The following FHIT variants were observed in gnomAD, a reference collection of about 807,000 sequenced individuals.
FHIT encodes the protein bis(5'-adenosyl)-triphosphatase.
FHIT carries 19 observed loss-of-function variants against 17.9 expected under a neutral mutation model. The observed-to-expected ratio is 1.06, with a 90% CI of 0.74 to 1.56. The LOEUF is 1.56. Ranked by LOEUF, FHIT falls within the 40% of genes most tolerant of loss-of-function variation. The pLI, the probability that FHIT is intolerant of heterozygous loss-of-function variation, is 0.00. For synonymous variants in FHIT, 81 were observed against 69.7 expected, an observed-to-expected ratio of 1.16 and a Z score of -0.81; for missense variants, 248 against 189.2, an observed-to-expected ratio of 1.31 and a Z score of -1.82.
chr3:60,974,211 T>C (rs934834178), intron 3 of FHIT, among the ~76,000 whole-genome samples: 3 of 152,226 alleles, frequency 2.0e-5, no homozygotes, highest in Admixed American at 1.3e-4. Context: ...TTTTTCCTCA[T>C]ACAAAATTTA....
intron 7 of FHIT, among the ~76,000 whole-genome samples, chr3:59,969,950 C>T (rs1216974525): frequency 1.3e-5 from 2 of 152,026 alleles, no homozygotes; most frequent in Non-Finnish European, 2.9e-5. Context: ...TTCCAAAGAA[C>T]GTCATGTCAA....
intron 4 of FHIT, among the ~76,000 whole-genome samples, chr3:60,575,757 AT>A (rs1238721927): frequency 6.6e-6 from 1 of 152,090 alleles, no homozygotes; most frequent in African/African-American, 2.4e-5. Context: ...AGAAAATAGA[AT>A]TTTATGCCTT....
At chr3:60,861,513 G>T (rs1553752626) in intron 3 of FHIT, among the ~76,000 whole-genome samples, 2 of 151,482 alleles carry the variant, frequency 1.3e-5, no homozygotes, top group Non-Finnish European at 2.9e-5. Context: ...TCCTGACATT[G>T]CCAAATGTCA....
chr3:60,202,731 A>G (rs541232389), intron 5 of FHIT, among the ~76,000 whole-genome samples: 1 of 152,282 alleles, frequency 6.6e-6, no homozygotes, highest in South Asian at 2.1e-4. Context: ...TCTGTTTCCC[A>G]TCATAAGGCC....
intron 3 of FHIT, among the ~76,000 whole-genome samples, chr3:60,850,876 T>C (rs1703127269): frequency 6.6e-6 from 1 of 152,160 alleles, no homozygotes; most frequent in African/African-American, 2.4e-5. Context: ...TTGGTATTTT[T>C]CAGTAAACCC....
intron 5 of FHIT, among the ~76,000 whole-genome samples, chr3:60,306,508 C>T (rs11929596): frequency 7.0e-4 from 106 of 152,214 alleles, no homozygotes; most frequent in African/African-American, 2.1e-3. Context: ...CATTCTGACA[C>T]GAATTACTAA....
Position 59,971,461 on chromosome 3 carries a change from G to C in FHIT, c.279+39910C>G, listed in dbSNP as rs143117597. Among the ~76,000 whole-genome samples, 74 of 152,000 alleles carry C rather than the reference G, an allele frequency of 4.9e-4. 1 individual carries two copies. The East Asian group carries it at 0.013, about 28-fold the overall frequency. On this transcript the variant is annotated intron_variant, in intron 7 of 9. Coordinates refer to ENST00000492590, the MANE Select transcript of FHIT (RefSeq NM_002012.4). ...GAGGTGATTTCAGTAAGACACAGCTGATAGATAGAACCTAAGGTTTCATGG... is the reference window on the plus strand; with the variant it reads ...GAGGTGATTTCAGTAAGACACAGCTCATAGATAGAACCTAAGGTTTCATGG...
Position 60,279,012 on chromosome 3 carries a change from A to G in FHIT, c.103+257848T>C, listed in dbSNP as rs150136308. Among the ~76,000 whole-genome samples, 203 of 152,280 alleles carry G rather than the reference A, an allele frequency of 1.3e-3. 2 individuals are homozygous for G. Among genetic ancestry groups the G allele is most frequent in the Middle Eastern group, 6.8e-3 (2 of 294 alleles). On this transcript the variant is annotated intron_variant, in intron 5 of 9. Transcript: ENST00000492590. ...AAAACAATTTAAACCTAAAGCAATC[A>G]GAAGAAAAACAGAATAGAAATTAGA...
intron 5 of FHIT, among the ~76,000 whole-genome samples, chr3:60,301,216 T>C (rs1316252398): frequency 1.3e-5 from 2 of 152,116 alleles, no homozygotes; most frequent in Non-Finnish European, 2.9e-5. Flanking sequence ...TATTTCATAA[T>C]AGGAAAATAA....
At chr3:60,597,610 G>C (rs1440240275) in intron 4 of FHIT, among the ~76,000 whole-genome samples, 1 of 152,106 alleles carries the variant, frequency 6.6e-6, no homozygotes, top group African/African-American at 2.4e-5. Context: ...TGACAGTGAA[G>C]TCTAAGTCTC....
At chr3:60,510,495 C>T (rs755149376) in intron 5 of FHIT, among the ~76,000 whole-genome samples, 2 of 152,082 alleles carry the variant, frequency 1.3e-5, no homozygotes, top group Non-Finnish European at 2.9e-5. Flanking sequence ...ACCTATTTGG[C>T]CTTTTATCTC....
intron 5 of FHIT, among the ~76,000 whole-genome samples, chr3:60,301,439 T>C (rs1461547220): frequency 6.6e-6 from 1 of 152,152 alleles, no homozygotes; most frequent in Non-Finnish European, 1.5e-5. Flanking sequence ...AACTTCTTTA[T>C]CACAAACTCA....
At chr3:60,108,595 G>A (rs999585592) in intron 5 of FHIT, among the ~76,000 whole-genome samples, 6 of 151,980 alleles carry the variant, frequency 3.9e-5, no homozygotes, top group Non-Finnish European at 7.4e-5. Flanking sequence ...CTCCTAGCTC[G>A]ACAGATCATG....
At chr3:59,829,567 C>A (rs1010733471) in intron 8 of FHIT, among the ~76,000 whole-genome samples, 1 of 152,312 alleles carries the variant, frequency 6.6e-6, no homozygotes, top group African/African-American at 2.4e-5. Context: ...TGCAGAGGAA[C>A]TGGATTCGGT....
intron 2 of FHIT, among the ~76,000 whole-genome samples, chr3:61,178,997 T>G (rs979981880): frequency 7.0e-6 from 1 of 142,022 alleles, no homozygotes; most frequent in African/African-American, 2.7e-5. Flanking sequence ...ACATTATTTC[T>G]TTTTCTTTTT....
chr3:59,874,340 T>A (rs917068204), intron 8 of FHIT, among the ~76,000 whole-genome samples: 1 of 152,198 alleles, frequency 6.6e-6, no homozygotes, highest in Non-Finnish European at 1.5e-5. Flanking sequence ...TTCAAAAAAG[T>A]TAAAAATTGA....
chr3:61,045,409 T>C (rs1559936796), intron 2 of FHIT, among the ~76,000 whole-genome samples: 1 of 152,056 alleles, frequency 6.6e-6, no homozygotes, highest in Non-Finnish European at 1.5e-5. Flanking sequence ...TACATAATGG[T>C]AAAGGGATCA....
intron 2 of FHIT, among the ~76,000 whole-genome samples, chr3:61,110,664 T>A (rs1365808437): frequency 6.6e-6 from 1 of 152,126 alleles, no homozygotes; most frequent in African/African-American, 2.4e-5. Context: ...TGACCAACTC[T>A]TTACTAAAAA....
At chr3:61,202,354 A>G (rs969221153) in intron 1 of FHIT, among the ~76,000 whole-genome samples, 1 of 151,908 alleles carries the variant, frequency 6.6e-6, no homozygotes, top group Non-Finnish European at 1.5e-5. Flanking sequence ...GGAAGTGAGG[A>G]GTGCCTCTGC....
Sources: allele counts gnomAD v4.1 joint callset (sites outside exome capture counted in the v4.1 genomes callset), GRCh38; gene constraint gnomAD v4.1.1; transcripts MANE v1.5; gene names NCBI Gene and HGNC (gene_info 2026-07-23, HGNC 2026-07-21).